Variants in RIMBP2 observed in about 807,000 individuals in gnomAD.
RIMBP2 encodes RIMS-binding protein 2.
A neutral mutation model predicts 118.6 loss-of-function variants in RIMBP2; 48 were observed. That is an observed-to-expected ratio of 0.40 (90% CI 0.32 to 0.51). The LOEUF is 0.51. Among genes scored for constraint, RIMBP2 ranks in the 20% least tolerant of loss-of-function variants. RIMBP2 has a pLI of 0.41. For missense variants in RIMBP2, 1,551 were observed against 1,768.3 expected (o/e 0.88, Z 2.20); for synonymous variants, 762 against 742.9 (o/e 1.03, Z -0.42).
At chr12:130,538,423 C>T (rs2054266221) in intron 2 of RIMBP2, among the ~76,000 whole-genome samples, 1 of 152,068 alleles carries the variant, frequency 6.6e-6, no homozygotes, top group South Asian at 2.1e-4. Context: ...TCAGAAACCT[C>T]AATTCAGTGA....
chr12:130,680,004 T>C (rs542817967), intron 1 of RIMBP2, among the ~76,000 whole-genome samples: 4 of 151,326 alleles, frequency 2.6e-5, no homozygotes, highest in Admixed American at 6.6e-5. Flanking sequence ...AGTGTGATCA[T>C]GCAGGCAGTG....
chr12:130,682,281 C>A (rs889243754), intron 1 of RIMBP2, among the ~76,000 whole-genome samples: 7 of 152,226 alleles, frequency 4.6e-5, no homozygotes, highest in Admixed American at 4.6e-4. Context: ...TCCCCTACTG[C>A]CGGCTGGATG....
intron 2 of RIMBP2, among the ~76,000 whole-genome samples, chr12:130,528,627 T>C (rs904336282): frequency 1.3e-5 from 2 of 152,218 alleles, no homozygotes; most frequent in African/African-American, 4.8e-5. Context: ...TGTCTCTCAA[T>C]AATTGTACTT....
intron 4 of RIMBP2, among the ~76,000 whole-genome samples, chr12:130,490,949 G>A (rs2048584564): frequency 6.6e-6 from 1 of 152,184 alleles, no homozygotes; most frequent in African/African-American, 2.4e-5. Context: ...CAGCTCCCGA[G>A]CCCCCTGTGT....
In RIMBP2 at chr12:130,412,773, T is replaced by C. The variant is rs1032455213; in HGVS notation, c.3435A>G (p.Lys1145=). The C allele has an allele frequency of 1.9e-6, 3 of 1,613,334 alleles. No homozygotes were observed. Among genetic ancestry groups the C allele is most frequent in the Admixed American group, 1.7e-5 (1 of 59,836 alleles). ...EGQIIKVYGD[K]DADGFYRGET... ...CCCCACGGTAGAATCCATCAGCGTC[T>C]TTATCACCATAAACCTAGAGCCAAG... The change falls in exon 19 of 23, where the codon AAA becomes AAG. Residue 1145 remains lysine, a synonymous_variant. Coordinates refer to ENST00000690449, the MANE Select transcript of RIMBP2 (RefSeq NM_001393629.1).
At position 130,670,469 on chromosome 12, in the gene RIMBP2, G is replaced by C. The variant is rs1411770371; in HGVS notation, c.-351-42013C>G. On this transcript the variant is annotated intron_variant, in intron 1 of 22. Coordinates refer to ENST00000690449, the MANE Select transcript of RIMBP2 (RefSeq NM_001393629.1). The surrounding 1 kb of genome is among the most constrained non-coding windows in gnomAD (Gnocchi z 4.9). The stretch of plus-strand genomic sequence containing the variant: ...CTCCTAGCTCTGGGCCCAAGGCCTT[G>C]GTATGTGCAGCTCCCTCCAACTGAG... 6.6e-6 allele frequency among the ~76,000 whole-genome samples: 1 copy of C among 152,160 alleles called. No individual in the cohort carries two copies. The highest frequency in any genetic ancestry group is 1.5e-5 in the Non-Finnish European group (1 of 68,034).
chr12:130,661,583 G>C (rs2063664788), intron 1 of RIMBP2, among the ~76,000 whole-genome samples: 1 of 152,198 alleles, frequency 6.6e-6, no homozygotes, highest in South Asian at 2.1e-4. Flanking sequence ...CAAATCTGCA[G>C]TGCTGTGGTG....
chr12:130,606,063 C>A, intron 2 of RIMBP2, among the ~76,000 whole-genome samples: 1 of 150,334 alleles, frequency 6.7e-6, no homozygotes, highest in African/African-American at 2.5e-5. Flanking sequence ...GCGAGACTGT[C>A]TCAAAAAACA....
rs760232580 is a variant in RIMBP2, at chr12:130,620,728, C to A, written c.-217+7594G>T. ...TCCCCCTCTCTGTAAGGACACCAGT[C>A]ATAGTAGATTAAGGCCTAATCTAAT... On this transcript the variant is annotated intron_variant, in intron 2 of 22. Coordinates refer to ENST00000690449, the MANE Select transcript of RIMBP2 (RefSeq NM_001393629.1). The surrounding 1 kb of genome is among the most constrained non-coding windows in gnomAD (Gnocchi z 5.3). 2.0e-5 allele frequency among the ~76,000 whole-genome samples: 3 copies of A among 152,198 alleles called. No individual in the cohort carries two copies. Among genetic ancestry groups the A allele is most frequent in the Non-Finnish European group, 4.4e-5 (3 of 68,032 alleles).
chr12:130,585,082 G>A (rs1432750911), intron 2 of RIMBP2, among the ~76,000 whole-genome samples: 1 of 152,058 alleles, frequency 6.6e-6, no homozygotes, highest in East Asian at 1.9e-4. Flanking sequence ...TAGAGATGAG[G>A]TCTCGCTCTG....
At chr12:130,537,866 G>C (rs1038477310) in intron 2 of RIMBP2, among the ~76,000 whole-genome samples, 1 of 152,242 alleles carries the variant, frequency 6.6e-6, no homozygotes, top group Non-Finnish European at 1.5e-5. Flanking sequence ...CTCAGATCAT[G>C]TTTGAAATTG....
chr12:130,567,021 C>T lies in RIMBP2; in HGVS notation c.-216-49104G>A, dbSNP rs1235511057. 2.0e-5 allele frequency among the ~76,000 whole-genome samples: 3 copies of T among 152,100 alleles called. No individual in the cohort carries two copies. In the East Asian group the frequency reaches 5.8e-4, roughly 29 times the overall value. On this transcript the variant is annotated intron_variant, in intron 2 of 22. Coordinates refer to ENST00000690449, the MANE Select transcript of RIMBP2 (RefSeq NM_001393629.1). ...GGGGAGTAGGAAATGCTTTCAAAGG[C>T]AGAGTCAGAAGAAAGGCATAGCGAA... is the stretch of plus-strand genomic sequence containing the variant.
At chr12:130,542,500 A>G (rs2054709146) in intron 2 of RIMBP2, among the ~76,000 whole-genome samples, 1 of 152,240 alleles carries the variant, frequency 6.6e-6, no homozygotes, top group African/African-American at 2.4e-5. Context: ...CTGCTGCAGA[A>G]AAAAGAAACA....
rs149154336 is a variant in RIMBP2 at position 130,535,511 on chromosome 12, T to G, written c.-216-17594A>C. Among the ~76,000 whole-genome samples, 430 of 151,904 alleles carry G rather than the reference T, an allele frequency of 2.8e-3. 1 individual carries two copies. Among genetic ancestry groups the G allele is most frequent in the African/African-American group, 9.5e-3 (394 of 41,414 alleles). On this transcript the variant is annotated intron_variant, in intron 2 of 22. Coordinates refer to ENST00000690449, the MANE Select transcript of RIMBP2 (RefSeq NM_001393629.1). ...CCTGGGCAAGCAACAGAATGAGACT[T>G]TGTCTCTAAAAATAATAATATTAAT...
chr12:130,436,929 C>T lies in RIMBP2; in HGVS notation c.2019G>A (p.Leu673=). The T allele has an allele frequency of 6.2e-7, 1 of 1,603,070 alleles. No individual in the cohort carries two copies. Among genetic ancestry groups the T allele is most frequent in the Non-Finnish European group, 8.5e-7 (1 of 1,176,210 alleles). Residue 673 remains leucine (L), a synonymous_variant, in exon 13 of 23, where the codon CTG becomes CTA. Coordinates refer to ENST00000690449, the MANE Select transcript of RIMBP2 (RefSeq NM_001393629.1). ...ACACCGGGGTGCCCTGTGGCTGTGG[C>T]AGGATGCGGCTGGGTGAGGGCGACC... ...GRRSPSPSRI[L]PQPQGTPVST...
At chr12:130,498,664 G>A (rs1480472618) in intron 4 of RIMBP2, among the ~76,000 whole-genome samples, 1 of 150,896 alleles carries the variant, frequency 6.6e-6, no homozygotes, top group Non-Finnish European at 1.5e-5. Context: ...CTCAGTGCAG[G>A]AAATCCGAGC....
intron 15 of RIMBP2, chr12:130,427,564 T>C (rs1272678635): frequency 6.6e-6 from 1 of 152,180 alleles, no homozygotes; most frequent in East Asian, 1.9e-4. Flanking sequence ...TTCCTGCAGG[T>C]AACTGCCCGT....
rs555802199 is a variant in RIMBP2, at chr12:130,525,653, G to A, written c.-216-7736C>T. On this transcript the variant is annotated intron_variant, in intron 2 of 22. Coordinates refer to ENST00000690449, the MANE Select transcript of RIMBP2 (RefSeq NM_001393629.1). This position sits in a 1 kb window ranked among gnomAD's most constrained non-coding sequence, Gnocchi z 4.4. ...AGATGGACACATGGGGAAGGCATGA[G>A]GGCAGCAGAGAGAAGGACGGGGCAC... 3.3e-5 allele frequency among the ~76,000 whole-genome samples: 5 copies of A among 152,286 alleles called. No homozygotes were observed. Among genetic ancestry groups the A allele is most frequent in the Admixed American group, 6.5e-5 (1 of 15,302 alleles).
chr12:130,491,392 G>T (rs2048626461), intron 4 of RIMBP2, among the ~76,000 whole-genome samples: 1 of 152,142 alleles, frequency 6.6e-6, no homozygotes, highest in Admixed American at 6.5e-5. Flanking sequence ...GCCTCCTCCA[G>T]GACCTCTCTC....
Sources: gnomAD v4.1 joint callset for allele counts (sites outside exome capture counted in the v4.1 genomes callset) on GRCh38, gnomAD v4.1.1 for gene constraint, Gnocchi (gnomAD v3.1) non-coding constraint, MANE v1.5 for transcripts, NCBI Gene and HGNC (gene_info 2026-07-23, HGNC 2026-07-21) for gene names.